ADAMTSL2: variants seen among roughly 807,000 people sequenced by gnomAD.
The protein encoded by ADAMTSL2 is ADAMTS-like protein 2.
Under a neutral mutation model 117.0 loss-of-function variants are expected in ADAMTSL2, and 55 were observed. The ratio of observed to expected loss-of-function variants is 0.47; its 90% CI spans 0.38 to 0.59. The LOEUF (loss-of-function observed/expected upper bound fraction) is 0.59, where lower values mean the gene tolerates loss of function less well. Ranked by LOEUF, ADAMTSL2 falls within the 20% of genes least tolerant of loss-of-function variation. The probability of loss-of-function intolerance (pLI) is 0.00; values close to 1 mark genes in which losing one functional copy is unlikely to be tolerated. For missense variants in ADAMTSL2, 1,182 were observed against 1,354.5 expected, an observed-to-expected ratio of 0.87 and a Z score of 2.00; for synonymous variants, 572 against 566.4, an observed-to-expected ratio of 1.01 and a Z score of -0.14.
rs200334802 is a variant in ADAMTSL2 at position 133,554,044 on chromosome 9, G to A, written c.940-313G>A. Among the ~76,000 whole-genome samples, 2,029 of 152,354 alleles carry A rather than the reference G, an allele frequency of 0.013. 17 individuals are homozygous for A. The highest frequency in any genetic ancestry group is 0.021 in the Non-Finnish European group (1,398 of 68,028). Reference sequence around the variant, plus strand: ...GTTGGCTTCATTACTTAAATTCTCTGCATACAGCATGCAGAGACGAGGGCC... The same window carrying A: ...GTTGGCTTCATTACTTAAATTCTCTACATACAGCATGCAGAGACGAGGGCC... On this transcript the variant is annotated intron_variant, in intron 9 of 18. Coordinates refer to ENST00000651351, the MANE Select transcript of ADAMTSL2 (RefSeq NM_014694.4). The surrounding 1 kb of genome is among the most constrained non-coding windows in gnomAD (Gnocchi z 5.2).
chr9:133,554,830 T>A lies in ADAMTSL2; in HGVS notation c.1276+137T>A. The A allele has an allele frequency of 1.3e-6, 1 of 758,448 alleles. No homozygotes were observed. The highest frequency in any genetic ancestry group is 2.7e-5 in the East Asian group (1 of 36,718). 47.0% of individuals were successfully genotyped at this position (758,448 alleles called of 1,614,324 possible). A position where few individuals can be genotyped will look rare whatever the true frequency, so the allele number is the denominator to read the frequency against. On this transcript the variant is annotated intron_variant, in intron 10 of 18. Transcript: ENST00000651351. The surrounding 1 kb of genome is among the most constrained non-coding windows in gnomAD (Gnocchi z 5.2). ...AGCTGCCAGCTACCTGCAGATGTCC[T>A]CTGGGCAGGCACAGGGTTGAGGACT... is the stretch of plus-strand genomic sequence containing the variant.
At chr9:133,548,701 G>T (rs1208945473) in intron 9 of ADAMTSL2, among the ~76,000 whole-genome samples, 2 of 152,080 alleles carry the variant, frequency 1.3e-5, no homozygotes, top group African/African-American at 4.8e-5. Flanking sequence ...TGCCCCTTGT[G>T]GGGGGCATGA....
chr9:133,575,488 A>G lies in ADAMTSL2; in HGVS notation c.*624A>G, dbSNP rs1367142756. On this transcript the variant is annotated 3_prime_UTR_variant, in exon 19 of 19. Transcript: ENST00000651351. ...CTGCAGTCAGCGTCAGTGCTCATCT[A>G]CGTTAATAAAGTGGTCCTATTTATG... 3.2e-5 allele frequency: 5 copies of G among 156,194 alleles called. No individual in the cohort carries two copies. The highest frequency in any genetic ancestry group is 1.2e-4 in the African/African-American group (5 of 41,432). The allele number at this position is 156,194 out of a possible 1,614,324, so 9.7% of individuals were successfully genotyped here.
chr9:133,552,491 CG>C (rs112973547), intron 9 of ADAMTSL2, among the ~76,000 whole-genome samples: 23 of 152,242 alleles, frequency 1.5e-4, no homozygotes, highest in African/African-American at 5.1e-4. Context: ...TAATTGGGAG[CG>C]GGAGCGTAAG....
intron 17 of ADAMTSL2, 116 bp downstream of exon 17, chr9:133,570,623 C>T: frequency 8.6e-7 from 1 of 1,160,186 alleles, no homozygotes. Context: ...CTGACAGCCT[C>T]TGTGAGGGCT....
At position 133,557,494 on chromosome 9, in the gene ADAMTSL2, G is replaced by A. The variant is rs776658190; in HGVS notation, c.1649+1564G>A. 1.3e-5 allele frequency among the ~76,000 whole-genome samples: 2 copies of A among 152,144 alleles called. No individual in the cohort carries two copies. Among genetic ancestry groups the A allele is most frequent in the Non-Finnish European group, 2.9e-5 (2 of 68,026 alleles). On this transcript the variant is annotated intron_variant, in intron 11 of 18. Coordinates refer to ENST00000651351, the MANE Select transcript of ADAMTSL2 (RefSeq NM_014694.4). The surrounding 1 kb of genome is among the most constrained non-coding windows in gnomAD (Gnocchi z 5.2). ...GGCCTGTGGCTGGTTCTCAGGACTC[G>A]GGCGGGGAGGGCCGGGCCTTGCTTT...
In ADAMTSL2 at chr9:133,574,968, C is replaced by T; in HGVS notation, c.*104C>T. On this transcript the variant is annotated 3_prime_UTR_variant, in exon 19 of 19. Transcript: ENST00000651351. ...ACCCCCCTCCTGCGGGGCACGCTGG[C>T]CTAAGAGACGTGGCACTGAGCCTCG... 1 of 872,176 alleles carries T rather than the reference C, an allele frequency of 1.1e-6. No homozygotes were observed. The highest frequency in any genetic ancestry group is 1.4e-5 in the South Asian group (1 of 73,346). 54.0% of individuals were successfully genotyped at this position (872,176 alleles called of 1,614,324 possible).
intron 15 of ADAMTSL2, 75 bp from the exon 16 acceptor site, chr9:133,569,333 G>A (rs1831051038): frequency 1.3e-6 from 2 of 1,508,050 alleles, no homozygotes; most frequent in Non-Finnish European, 1.8e-6. Flanking sequence ...CCTCTCCCTT[G>A]GGACTGACAT....
In ADAMTSL2 at chr9:133,562,627, C is replaced by T. The variant is rs1270243328; in HGVS notation, c.1747+1332C>T. ...GCGGCGTGGCGGGCACCCGGCTGGG[C>T]CCGGTTCGCACCGCCGTGGGCGGCG... On this transcript the variant is annotated intron_variant, in intron 12 of 18. Transcript: ENST00000651351. 3.4e-3 allele frequency among the ~76,000 whole-genome samples: 390 copies of T among 114,350 alleles called. 35 individuals are homozygous for T. Among genetic ancestry groups the T allele is most frequent in the Non-Finnish European group, 5.7e-3 (295 of 51,468 alleles). 75.0% of individuals were successfully genotyped at this position (114,350 alleles called of 152,430 possible). A position where few individuals can be genotyped will look rare whatever the true frequency, so the allele number is the denominator to read the frequency against.
At chr9:133,544,591 G>T in intron 8 of ADAMTSL2, 41 bp downstream of exon 8, 1 of 1,562,076 alleles carries the variant, frequency 6.4e-7, no homozygotes, top group Non-Finnish European at 8.8e-7. Context: ...CTGAGCTTTT[G>T]GTTGTGGAGC....
In ADAMTSL2 at chr9:133,555,571, G is replaced by A. The variant is rs1053333616; in HGVS notation, c.1290G>A (p.Thr430=). The part of the protein sequence containing the change: ...RGKGFRDRNV[T]GTPLTGDKDD... ...TCTCCTCTCCAGACCGCAACGTCAC[G>A]GGGACTCCTCTCACCGGGGACAAGG... The change falls in exon 11 of 19, where the codon ACG becomes ACA. Residue 430 remains threonine, a synonymous_variant. Transcript: ENST00000651351. 17 of 1,613,046 alleles carry A rather than the reference G, an allele frequency of 1.1e-5. No homozygotes were observed. The East Asian group carries it at 1.1e-4, about 11-fold the overall frequency.
intron 12 of ADAMTSL2, among the ~76,000 whole-genome samples, chr9:133,564,203 AGAGAGAGAGG>A: frequency 1.4e-5 from 1 of 73,912 alleles, no homozygotes; most frequent in Non-Finnish European, 2.8e-5. Flanking sequence ...AGAGAGGGAG[AGAGAGAGAGG>A]GAGAGGGAGA....
intron 12 of ADAMTSL2, among the ~76,000 whole-genome samples, chr9:133,562,950 C>T (rs1200935958): frequency 6.9e-6 from 1 of 144,736 alleles, no homozygotes; most frequent in Non-Finnish European, 1.5e-5. Context: ...AGGCTCGCAC[C>T]GCTGTGGGCG....
At chr9:133,535,046 G>A in intron 1 of ADAMTSL2, 129 bp downstream of exon 1, 1 of 1,284,826 alleles carries the variant, frequency 7.8e-7, no homozygotes, top group East Asian at 3.1e-5. Flanking sequence ...GGAGGCTTGT[G>A]GGGAGGGGTC....
In ADAMTSL2 at chr9:133,561,049, A is replaced by G. The variant is rs867357014; in HGVS notation, c.1650-149A>G. 1,414 of 724,608 alleles carry G rather than the reference A, an allele frequency of 2.0e-3. 19 individuals are homozygous for G. In the African/African-American group the frequency reaches 0.022, roughly 11 times the overall value. 44.9% of individuals were successfully genotyped at this position (724,608 alleles called of 1,614,324 possible). On this transcript the variant is annotated intron_variant, in intron 11 of 18. Coordinates refer to ENST00000651351, the MANE Select transcript of ADAMTSL2 (RefSeq NM_014694.4). ...TTCAGACAGTGGGAACTCTGACCGT[A>G]GCAGGTGGAGGGTCGGCCCGGGGCT... is the stretch of plus-strand genomic sequence containing the variant.
chr9:133,563,888 A>C (rs1588302225), intron 12 of ADAMTSL2, among the ~76,000 whole-genome samples: 1 of 37,506 alleles, frequency 2.7e-5, no homozygotes, highest in Non-Finnish European at 5.6e-5. Flanking sequence ...AGAGAGAGGG[A>C]GAGAGAGAGA....
At position 133,534,813 on chromosome 9, in the gene ADAMTSL2, C is replaced by T; in HGVS notation, c.-255C>T. On this transcript the variant is annotated 5_prime_UTR_variant, in exon 1 of 19. Coordinates refer to ENST00000651351, the MANE Select transcript of ADAMTSL2 (RefSeq NM_014694.4). Reference sequence around the variant, plus strand: ...GGGGAGAGGGAGGCCGGGCCGCAGCCTCTGCACTCACGCCGCCCCCGCACG... The same window carrying T: ...GGGGAGAGGGAGGCCGGGCCGCAGCTTCTGCACTCACGCCGCCCCCGCACG... 1 of 1,492,726 alleles carries T rather than the reference C, an allele frequency of 6.7e-7. No homozygotes were observed. The highest frequency in any genetic ancestry group is 1.4e-5 in the African/African-American group (1 of 69,432). The allele number at this position is 1,492,726 out of a possible 1,614,324, so 92.5% of individuals were successfully genotyped here. A position where few individuals can be genotyped will look rare whatever the true frequency, so the allele number is the denominator to read the frequency against.
rs142480457 is a variant in ADAMTSL2 at position 133,548,698 on chromosome 9, T to TG, written c.939+1486dup. Among the ~76,000 whole-genome samples the TG allele has an allele frequency of 4.7e-3, 712 of 152,104 alleles. 6 individuals are homozygous for TG. The highest frequency in any genetic ancestry group is 0.016 in the African/African-American group (680 of 41,468). On this transcript the variant is annotated intron_variant, in intron 9 of 18. Transcript: ENST00000651351. ...CATACTGCCAGGTGTAGTTGCCCCT[T>TG]GTGGGGGGCATGACCTGGGGAGAGA...
chr9:133,536,678 C>G lies in ADAMTSL2; in HGVS notation c.-35C>G. ...CTGGTCATCTGGAAGAGGATCGGAGCTGGCCTGGTGGTGACAGTGGCCTTG... is the reference window on the plus strand; with the variant it reads ...CTGGTCATCTGGAAGAGGATCGGAGGTGGCCTGGTGGTGACAGTGGCCTTG... On this transcript the variant is annotated 5_prime_UTR_variant, in exon 2 of 19. Transcript: ENST00000651351. 1 of 1,614,182 alleles carries G rather than the reference C, an allele frequency of 6.2e-7. No homozygotes were observed. The highest frequency in any genetic ancestry group is 8.5e-7 in the Non-Finnish European group (1 of 1,180,038).
Sources: allele counts gnomAD v4.1 joint callset (sites outside exome capture counted in the v4.1 genomes callset), GRCh38; gene constraint gnomAD v4.1.1; non-coding constraint Gnocchi (gnomAD v3.1); transcripts MANE v1.5; gene names NCBI Gene and HGNC (gene_info 2026-07-23, HGNC 2026-07-21).